Variants in KLHDC4 observed in about 807,000 individuals in gnomAD.
The protein encoded by KLHDC4 is kelch domain-containing protein 4.
A neutral mutation model predicts 62.4 loss-of-function variants in KLHDC4; 90 were observed. The observed-to-expected ratio is 1.44, with a 90% CI of 1.22 to 1.72. The LOEUF is 1.72. Among genes scored for constraint, KLHDC4 ranks in the 40% most tolerant of loss-of-function variants. The probability of loss-of-function intolerance (pLI) is 0.00; values close to 1 mark genes in which losing one functional copy is unlikely to be tolerated. For synonymous variants in KLHDC4, 386 were observed against 284.4 expected, an observed-to-expected ratio of 1.36 and a Z score of -3.59; for missense variants, 1,025 against 699.7, an observed-to-expected ratio of 1.47 and a Z score of -5.25.
At position 87,725,572 on chromosome 16, in the gene KLHDC4, A is replaced by AT. The variant is rs200989965; in HGVS notation, c.759+1192dup. ...GTTGAAAATTTTCAAAATACAAAGGATTTTTTAAACCCCTACAGTGAGATA... is the reference window on the plus strand; with the variant it reads ...GTTGAAAATTTTCAAAATACAAAGGATTTTTTTAAACCCCTACAGTGAGATA... On this transcript the variant is annotated intron_variant, in intron 7 of 11. Coordinates refer to ENST00000270583, the MANE Select transcript of KLHDC4 (RefSeq NM_017566.4). Among the ~76,000 whole-genome samples the AT allele has an allele frequency of 3.9e-5, 6 of 152,260 alleles. No individual in the cohort carries two copies. In the East Asian group the frequency reaches 9.6e-4, roughly 24 times the overall value.
rs1302528320 is a variant in KLHDC4, at chr16:87,756,490, C to A, written c.192-13G>T. 3.7e-6 allele frequency: 6 copies of A among 1,609,084 alleles called. No homozygotes were observed. The highest frequency in any genetic ancestry group is 5.1e-6 in the Non-Finnish European group (6 of 1,175,688). On this transcript the variant is annotated splice_polypyrimidine_tract_variant and intron_variant, in intron 2 of 11. Transcript: ENST00000270583. Reference sequence around the variant, plus strand: ...GGAGGCATTTAACCTACAAGACACACAAGCGGCAGGTCAGCAAGATCACCC... The same window carrying A: ...GGAGGCATTTAACCTACAAGACACAAAAGCGGCAGGTCAGCAAGATCACCC...
chr16:87,764,344 A>G (rs2046294376), intron 1 of KLHDC4, among the ~76,000 whole-genome samples: 1 of 152,114 alleles, frequency 6.6e-6, no homozygotes, highest in Non-Finnish European at 1.5e-5. Flanking sequence ...AGACATGGAG[A>G]TGAGTAAAAA....
At chr16:87,703,785 C>T (rs984337560), downstream of KLHDC4, among the ~76,000 whole-genome samples, 3 of 152,250 alleles carry the variant, frequency 2.0e-5, no homozygotes, top group Non-Finnish European at 2.9e-5. Context: ...AGTGTGTCAG[C>T]TTCCGGCAGG....
intron 1 of KLHDC4, among the ~76,000 whole-genome samples, chr16:87,763,785 G>C (rs1368122876): frequency 6.6e-6 from 1 of 152,098 alleles, no homozygotes; most frequent in African/African-American, 2.4e-5. Flanking sequence ...ATCATCATTG[G>C]GTGACTGAAG....
chr16:87,701,388 A>C, exon 1 of KLHDC4: 1 of 325,002 alleles, frequency 3.1e-6, no homozygotes, highest in East Asian at 7.7e-5. Flanking sequence ...GCTTCAGCCC[A>C]CCCATTAGGA....
At chr16:87,729,006 G>T (rs1567722679) in intron 6 of KLHDC4, among the ~76,000 whole-genome samples, 1 of 151,968 alleles carries the variant, frequency 6.6e-6, no homozygotes, top group Admixed American at 6.6e-5. Flanking sequence ...CAAACTTCTG[G>T]CCTCAAGTGA....
chr16:87,707,756 G>T (rs930214127), downstream of KLHDC4: 1 of 322,104 alleles, frequency 3.1e-6, no homozygotes, highest in Non-Finnish European at 6.1e-6. Flanking sequence ...CGGGGCAGAG[G>T]CCCCGGGAAG....
chr16:87,718,045 C>G (rs1007108853), intron 7 of KLHDC4, among the ~76,000 whole-genome samples: 3 of 152,204 alleles, frequency 2.0e-5, no homozygotes, highest in African/African-American at 7.2e-5. Context: ...GCCACACCCT[C>G]TAACAGGGCC....
intron 3 of KLHDC4, chr16:87,755,514 T>C (rs1261199018): frequency 7.1e-6 from 3 of 421,370 alleles, no homozygotes; most frequent in Non-Finnish European, 1.3e-5. Context: ...TGGAAGGTAC[T>C]GAAAGCCCTC....
intron 5 of KLHDC4, 26 bp from the exon 6 acceptor site, chr16:87,730,670 C>T (rs1054168514): frequency 8.9e-6 from 14 of 1,574,296 alleles, no homozygotes; most frequent in South Asian, 1.1e-5. Flanking sequence ...CAAAAAGACA[C>T]TATCAACCTG....
At chr16:87,708,525 C>G (rs2035102470) in intron 10 of KLHDC4, 59 bp from the exon 11 acceptor site, 1 of 1,337,608 alleles carries the variant, frequency 7.5e-7, no homozygotes, top group South Asian at 1.5e-5. Flanking sequence ...GTGGGGGAGG[C>G]TGCGGGACGG....
intron 2 of KLHDC4, among the ~76,000 whole-genome samples, chr16:87,758,954 T>C (rs1223159304): frequency 2.6e-5 from 4 of 152,056 alleles, no homozygotes; most frequent in African/African-American, 9.7e-5. Context: ...GGCGGGCGGA[T>C]CACCTGAGGT....
intron 2 of KLHDC4, among the ~76,000 whole-genome samples, chr16:87,761,168 G>A (rs774245799): frequency 6.6e-6 from 1 of 152,218 alleles, no homozygotes. Flanking sequence ...CTGGCCTTTG[G>A]GAGTGGCTCC....
At chr16:87,755,130 C>T (rs1030533174) in intron 4 of KLHDC4, 64 bp downstream of exon 4, 19 of 1,124,388 alleles carry the variant, frequency 1.7e-5, no homozygotes, top group South Asian at 3.8e-5. Flanking sequence ...ATCAACTCTC[C>T]GTGTGTCTAC....
intron 1 of KLHDC4, among the ~76,000 whole-genome samples, chr16:87,764,749 T>C (rs1417527673): frequency 2.2e-5 from 3 of 138,102 alleles, no homozygotes; most frequent in East Asian, 4.3e-4. Context: ...ACCACACAGA[T>C]GAACTGACTT....
chr16:87,713,573 C>G (rs2036314980), intron 8 of KLHDC4, among the ~76,000 whole-genome samples: 1 of 152,174 alleles, frequency 6.6e-6, no homozygotes, highest in Non-Finnish European at 1.5e-5. Flanking sequence ...TCCCCCCGCC[C>G]ATGCTCCACA....
chr16:87,756,421 C>G lies in KLHDC4; in HGVS notation c.248G>C (p.Gly83Ala), dbSNP rs1412273512. The G allele has an allele frequency of 6.2e-7, 1 of 1,613,440 alleles. No individual in the cohort carries two copies. The highest frequency in any genetic ancestry group is 1.3e-5 in the African/African-American group (1 of 74,900). Residue 83 changes from glycine (G) to alanine (A), a missense_variant, in exon 3 of 12, where the codon GGT becomes GCT. Gly to Ala is a moderately conservative substitution (Grantham distance 60). Transcript: ENST00000270583. ...PEKDELILFG[G>A]EYFNGQKTFL... is the part of the protein sequence containing the mutation. ...TACTTTTTGGCCGTTGAAATATTCA[C>G]CTCCAAAAAGGATTAACTCATCTTT...
At chr16:87,736,786 A>G (rs189325117) in intron 5 of KLHDC4, among the ~76,000 whole-genome samples, 1 of 152,174 alleles carries the variant, frequency 6.6e-6, no homozygotes, top group African/African-American at 2.4e-5. Context: ...ATTTATCCTC[A>G]CAGCAAACTC....
chr16:87,720,640 C>A (rs1304032028), intron 7 of KLHDC4, among the ~76,000 whole-genome samples: 1 of 152,356 alleles, frequency 6.6e-6, no homozygotes, highest in East Asian at 1.9e-4. Context: ...AGAGGACCCC[C>A]GCCCAACCAC....
Sources: gnomAD v4.1 joint callset for allele counts (sites outside exome capture counted in the v4.1 genomes callset) on GRCh38, gnomAD v4.1.1 for gene constraint, MANE v1.5 for transcripts, NCBI Gene and HGNC (gene_info 2026-07-23, HGNC 2026-07-21) for gene names.